POTEM: variants seen among roughly 807,000 people sequenced by gnomAD.
POTEM encodes the protein POTE ankyrin domain family member M, also known as putative POTE ankyrin domain family member M.
For synonymous variants in POTEM, 8 were observed against 113.2 expected (o/e 0.07, Z 5.90); for missense variants, 24 against 343.0 (o/e 0.07, Z 7.35).
At chr14:18,996,460 G>C (rs1891302721) in intron 9 of POTEM, among the ~76,000 whole-genome samples, 1 of 133,872 alleles carries the variant, frequency 7.5e-6, no homozygotes, top group Admixed American at 8.1e-5. Context: ...AGAGGCAGGT[G>C]AGCAAGCAAA....
intron 1 of POTEM, among the ~76,000 whole-genome samples, chr14:18,969,329 A>ACG (rs2138948027): frequency 1.6e-5 from 2 of 126,918 alleles, no homozygotes; most frequent in African/African-American, 6.6e-5. Context: ...ATATATATAT[A>ACG]TATACGTATA....
intron 3 of POTEM, among the ~76,000 whole-genome samples, chr14:18,975,445 T>G: frequency 6.7e-6 from 1 of 148,510 alleles, no homozygotes; most frequent in Non-Finnish European, 1.5e-5. Flanking sequence ...AGAATGCAGA[T>G]AGGAATTCTG....
chr14:18,999,495 C>T lies in POTEM; in HGVS notation c.*830C>T, dbSNP rs1475329761. ...CACCATGGCCGAGCAGGAAATCGTG[C>T]GTGACATCACAGAGAAGCTGTGCTA... On this transcript the variant is annotated 3_prime_UTR_variant, in exon 11 of 11. Coordinates refer to ENST00000547889, the MANE Select transcript of POTEM (RefSeq NM_001145442.1). 9.7e-5 allele frequency among the ~76,000 whole-genome samples: 10 copies of T among 102,634 alleles called. 1 individual carries two copies. Among genetic ancestry groups the T allele is most frequent in the East Asian group, 5.5e-4 (2 of 3,654 alleles). 67.3% of individuals were successfully genotyped at this position (102,634 alleles called of 152,430 possible).
intron 7 of POTEM, among the ~76,000 whole-genome samples, chr14:18,986,543 T>TTAGTACATATTAGAATATAG (rs1213487047): frequency 4.6e-4 from 64 of 138,814 alleles, no homozygotes; most frequent in Admixed American, 7.2e-4. Flanking sequence ...TCTACTGTCA[T>TTAGTACATATTAGAATATAG]TAGTACATAT....
At chr14:18,969,317 G>GTATA (rs796722398) in intron 1 of POTEM, among the ~76,000 whole-genome samples, 16 of 84,726 alleles carry the variant, frequency 1.9e-4, no homozygotes, top group African/African-American at 6.0e-4. Context: ...GTATATATAT[G>GTATA]TATATATATA....
intron 1 of POTEM, among the ~76,000 whole-genome samples, chr14:18,969,177 G>A (rs866982939): frequency 7.4e-6 from 1 of 134,482 alleles, no homozygotes; most frequent in South Asian, 2.4e-4. Flanking sequence ...CTAGCTAGAT[G>A]TTTATATCAC....
intron 1 of POTEM, among the ~76,000 whole-genome samples, chr14:18,968,940 A>T (rs1890831431): frequency 6.7e-6 from 1 of 149,506 alleles, no homozygotes; most frequent in Non-Finnish European, 1.5e-5. Flanking sequence ...TGCTAAGTTA[A>T]TTTTTTTGTA....
chr14:18,980,281 ACATTTAT>A, intron 6 of POTEM, 137 bp downstream of exon 6: 1 of 520,110 alleles, frequency 1.9e-6, no homozygotes, highest in Non-Finnish European at 3.4e-6. Flanking sequence ...CAATCATGTT[ACATTTAT>A]TGTGCTATTT....
chr14:18,982,999 G>T (rs1891122099), intron 6 of POTEM, among the ~76,000 whole-genome samples: 5 of 91,504 alleles, frequency 5.5e-5, no homozygotes, highest in Admixed American at 3.9e-4. Context: ...CAGGTTTCCA[G>T]GTTGTACACT....
chr14:18,969,357 G>GTGTGTGTGTA (rs1284654181), intron 1 of POTEM, among the ~76,000 whole-genome samples: 1 of 105,366 alleles, frequency 9.5e-6, no homozygotes, highest in African/African-American at 4.3e-5. Flanking sequence ...ATATACATGT[G>GTGTGTGTGTA]TATATATATA....
Position 18,992,958 on chromosome 14 carries a change from G to A in POTEM, c.1410-4083G>A, listed in dbSNP as rs1466157619. Among the ~76,000 whole-genome samples, 12 of 66,278 alleles carry A rather than the reference G, an allele frequency of 1.8e-4. 4 individuals carry two copies. Among genetic ancestry groups the A allele is most frequent in the East Asian group, 6.7e-4 (2 of 2,980 alleles). The allele number at this position is 66,278 out of a possible 152,430, so 43.5% of individuals were successfully genotyped here. On this transcript the variant is annotated intron_variant, in intron 9 of 10. Transcript: ENST00000547889. Reference sequence around the variant, plus strand: ...GTCACCCAGGCTGCAGTGCAGTGGCGTGACCTCGGCTCACTGCAACCTCCG... The same window carrying A: ...GTCACCCAGGCTGCAGTGCAGTGGCATGACCTCGGCTCACTGCAACCTCCG...
chr14:18,995,944 G>GT (rs1891289589), intron 9 of POTEM, among the ~76,000 whole-genome samples: 1 of 143,960 alleles, frequency 6.9e-6, no homozygotes, highest in African/African-American at 2.7e-5. Context: ...TAGTTGGTGT[G>GT]TAGTGGTGCT....
chr14:18,986,235 T>C (rs1308429859), intron 7 of POTEM, among the ~76,000 whole-genome samples: 6 of 139,448 alleles, frequency 4.3e-5, no homozygotes, highest in African/African-American at 1.4e-4. Context: ...ATGAACAATG[T>C]AACACTGATG....
Position 19,002,811 on chromosome 14 carries a change from A to T in POTEM, c.*4146A>T, listed in dbSNP as rs1594281570. On this transcript the variant is annotated 3_prime_UTR_variant, in exon 11 of 11. Coordinates refer to ENST00000547889, the MANE Select transcript of POTEM (RefSeq NM_001145442.1). ...AGCCCTTTATATGGAAACTTCCTAC[A>T]TCACTTTGCTGTGTGTGTTTACACA... Among the ~76,000 whole-genome samples, 1 of 152,306 alleles carries T rather than the reference A, an allele frequency of 6.6e-6. No individual in the cohort carries two copies. Among genetic ancestry groups the T allele is most frequent in the East Asian group, 1.9e-4 (1 of 5,208 alleles).
At position 18,999,131 on chromosome 14, in the gene POTEM, C is replaced by G; in HGVS notation, c.*466C>G. 1 of 523,578 alleles carries G rather than the reference C, an allele frequency of 1.9e-6. No individual in the cohort carries two copies. The highest frequency in any genetic ancestry group is 3.0e-5 in the East Asian group (1 of 33,788). The allele number at this position is 523,578 out of a possible 1,614,324, so 32.4% of individuals were successfully genotyped here. The stretch of plus-strand genomic sequence containing the variant: ...ACGACATGGAGAAGATCTGGCACCA[C>G]ACCTTCTACAATGAGCTGCGTGTGG... On this transcript the variant is annotated 3_prime_UTR_variant, in exon 11 of 11. Transcript: ENST00000547889.
At chr14:18,975,495 T>C (rs1284336535) in intron 3 of POTEM, among the ~76,000 whole-genome samples, 3 of 148,218 alleles carry the variant, frequency 2.0e-5, no homozygotes, top group Admixed American at 6.7e-5. Flanking sequence ...GATTATTTAG[T>C]AACAATCTGG....
chr14:18,985,438 AAG>A lies in POTEM; in HGVS notation c.1157_1158del (p.Glu386ValfsTer5). On this transcript the variant is annotated frameshift_variant, in exon 7 of 11. Coordinates refer to ENST00000547889, the MANE Select transcript of POTEM (RefSeq NM_001145442.1). LOFTEE classifies it high-confidence loss of function. The stretch of plus-strand genomic sequence containing the variant: ...CAAGACTTAAAGCTGACATCAGAGG[AAG>A]AGTCACAAAGGCTTAAAGGAAGTGA... 2 of 1,321,436 alleles carry A rather than the reference AAG, an allele frequency of 1.5e-6. No homozygotes were observed. The highest frequency in any genetic ancestry group is 2.5e-5 in the South Asian group (2 of 78,698). The allele number at this position is 1,321,436 out of a possible 1,614,324, so 81.9% of individuals were successfully genotyped here. A position where few individuals can be genotyped will look rare whatever the true frequency, so the allele number is the denominator to read the frequency against.
At chr14:18,975,179 A>C (rs1890936195) in intron 3 of POTEM, among the ~76,000 whole-genome samples, 1 of 99,282 alleles carries the variant, frequency 1.0e-5, no homozygotes, top group Non-Finnish European at 2.0e-5. Flanking sequence ...GGTCTTTAGT[A>C]GTTTGCTGTG....
At chr14:18,986,160 C>T (rs1891177573) in intron 7 of POTEM, among the ~76,000 whole-genome samples, 1 of 145,010 alleles carries the variant, frequency 6.9e-6, no homozygotes, top group Non-Finnish European at 1.5e-5. Flanking sequence ...TTTATTTTTA[C>T]AACACCCTAA....
Sources: gnomAD v4.1 joint callset for allele counts (sites outside exome capture counted in the v4.1 genomes callset) on GRCh38, gnomAD v4.1.1 for gene constraint, MANE v1.5 for transcripts, NCBI Gene and HGNC (gene_info 2026-07-23, HGNC 2026-07-21) for gene names.